SUCLG2: variants seen among roughly 807,000 people sequenced by gnomAD.
SUCLG2 encodes the protein succinate-CoA ligase GDP-forming subunit beta.
Under a neutral mutation model 47.9 loss-of-function variants are expected in SUCLG2, and 42 were observed. The ratio of observed to expected loss-of-function variants is 0.88; its 90% CI spans 0.69 to 1.14. The LOEUF (loss-of-function observed/expected upper bound fraction) is 1.14. SUCLG2 is among the 50% of genes most tolerant of loss of function. The pLI, the probability that SUCLG2 is intolerant of heterozygous loss-of-function variation, is 0.00. For synonymous variants in SUCLG2, 195 were observed against 197.3 expected, an observed-to-expected ratio of 0.99 and a Z score of 0.10; for missense variants, 571 against 525.9, an observed-to-expected ratio of 1.09 and a Z score of -0.84.
chr3:67,558,190 T>C (rs967657167), intron 2 of SUCLG2, among the ~76,000 whole-genome samples: 3 of 152,162 alleles, frequency 2.0e-5, no homozygotes, highest in Admixed American at 2.0e-4. Context: ...TATATTAACT[T>C]AATAATAGAT....
intron 2 of SUCLG2, among the ~76,000 whole-genome samples, chr3:67,576,140 G>C (rs1447191276): frequency 1.3e-5 from 2 of 152,202 alleles, no homozygotes; most frequent in African/African-American, 4.8e-5. Context: ...CTGTGGACAT[G>C]ACTATTGCCA....
rs186865791 is a variant in SUCLG2, at chr3:67,644,537, A to G, written c.84+9966T>C. ...ACAGAGTTTTAGTAGGGGAGGATGA[A>G]TAAGTTCAGGAAATGGATGATGGTG... On this transcript the variant is annotated intron_variant, in intron 1 of 10. Coordinates refer to ENST00000307227, the MANE Select transcript of SUCLG2 (RefSeq NM_003848.4). Among the ~76,000 whole-genome samples, 73 of 152,186 alleles carry G rather than the reference A, an allele frequency of 4.8e-4. 1 individual carries two copies. Among genetic ancestry groups the G allele is most frequent in the Middle Eastern group, 6.8e-3 (2 of 294 alleles).
chr3:67,442,938 C>A (rs1348260060), intron 9 of SUCLG2, among the ~76,000 whole-genome samples: 1 of 152,122 alleles, frequency 6.6e-6, no homozygotes, highest in Non-Finnish European at 1.5e-5. Context: ...ACAATCAGCT[C>A]TCCCTATCCA....
chr3:67,420,183 A>T (rs902612855), intron 9 of SUCLG2, among the ~76,000 whole-genome samples: 1 of 152,202 alleles, frequency 6.6e-6, no homozygotes, highest in Non-Finnish European at 1.5e-5. Context: ...AATGAAATTG[A>T]ATTGAGTCTG....
Position 67,586,359 on chromosome 3 carries a change from T to C in SUCLG2, c.226+23096A>G, listed in dbSNP as rs555074291. On this transcript the variant is annotated intron_variant, in intron 2 of 10. Transcript: ENST00000307227. ...TTCTCAGTAAGCTCCTGGAACAACC[T>C]AGACTGCATGGGACAAAATTTTCTT... Among the ~76,000 whole-genome samples, 38 of 152,362 alleles carry C rather than the reference T, an allele frequency of 2.5e-4. No individual in the cohort carries two copies. In the East Asian group the frequency reaches 6.4e-3, roughly 26 times the overall value.
intron 4 of SUCLG2, among the ~76,000 whole-genome samples, chr3:67,520,909 C>G (rs1237379146): frequency 6.6e-6 from 1 of 152,136 alleles, no homozygotes; most frequent in East Asian, 1.9e-4. Flanking sequence ...TGTCCTTCCT[C>G]AAGAAACTGT....
At chr3:67,564,503 G>A (rs994439206) in intron 2 of SUCLG2, among the ~76,000 whole-genome samples, 1 of 152,162 alleles carries the variant, frequency 6.6e-6, no homozygotes, top group Non-Finnish European at 1.5e-5. Flanking sequence ...CACCAAAATG[G>A]ACATGAGTTA....
chr3:67,554,309 T>G (rs1173832157), intron 2 of SUCLG2, among the ~76,000 whole-genome samples: 3 of 152,236 alleles, frequency 2.0e-5, no homozygotes, highest in Admixed American at 6.5e-5. Context: ...CTTAACCATG[T>G]GAATGTTGTT....
intron 9 of SUCLG2, among the ~76,000 whole-genome samples, chr3:67,429,925 T>C (rs896034651): frequency 2.0e-5 from 3 of 152,122 alleles, no homozygotes; most frequent in Non-Finnish European, 2.9e-5. Context: ...ATGCACCCAA[T>C]ACAGGAGCAC....
intron 9 of SUCLG2, among the ~76,000 whole-genome samples, chr3:67,429,806 T>C (rs111755088): frequency 3.3e-5 from 5 of 152,258 alleles, no homozygotes; most frequent in African/African-American, 9.6e-5. Flanking sequence ...AATCCTAGTT[T>C]CTGATAAAAC....
At chr3:67,409,001 G>A in intron 9 of SUCLG2, 2 of 1,535,350 alleles carry the variant, frequency 1.3e-6, no homozygotes, top group Non-Finnish European at 1.7e-6. Flanking sequence ...CTGTATTCTG[G>A]TGCCCAAGTA....
chr3:67,564,200 G>C (rs1478450169), intron 2 of SUCLG2, among the ~76,000 whole-genome samples: 2 of 152,268 alleles, frequency 1.3e-5, no homozygotes, highest in Middle Eastern at 3.4e-3. Flanking sequence ...GCCAGCACAG[G>C]AAGTAATAGT....
intron 10 of SUCLG2, among the ~76,000 whole-genome samples, chr3:67,369,309 G>A (rs778292564): frequency 1.3e-5 from 2 of 152,136 alleles, no homozygotes; most frequent in East Asian, 3.9e-4. Flanking sequence ...TATGGGTGGT[G>A]CCTTCGTTTT....
At chr3:67,629,419 T>C (rs942520569) in intron 1 of SUCLG2, among the ~76,000 whole-genome samples, 3 of 152,150 alleles carry the variant, frequency 2.0e-5, no homozygotes, top group Non-Finnish European at 4.4e-5. Flanking sequence ...CTCTAGAGAA[T>C]ATTTATGATT....
intron 10 of SUCLG2, among the ~76,000 whole-genome samples, chr3:67,379,424 T>C (rs11706477): frequency 0.083 from 12,575 of 152,280 alleles, 658 homozygotes; most frequent in Middle Eastern, 0.14. Flanking sequence ...TAGTTTTTTA[T>C]CACGGTTCCC....
Position 67,612,526 on chromosome 3 carries a change from C to T in SUCLG2, c.85-2930G>A, listed in dbSNP as rs961877552. ...TGAATAATAATAACAATAATAGTTC[C>T]ATCTACTATTAATTGAGCACTTATG... On this transcript the variant is annotated intron_variant, in intron 1 of 10. Transcript: ENST00000307227. Among the ~76,000 whole-genome samples, 32 of 152,186 alleles carry T rather than the reference C, an allele frequency of 2.1e-4. 1 individual carries two copies. Among genetic ancestry groups the T allele is most frequent in the South Asian group, 1.7e-3 (8 of 4,820 alleles).
chr3:67,620,132 C>G (rs1201742409), intron 1 of SUCLG2, among the ~76,000 whole-genome samples: 1 of 152,194 alleles, frequency 6.6e-6, no homozygotes, highest in African/African-American at 2.4e-5. Flanking sequence ...AATGTGGTCA[C>G]TGTGTTTGAC....
At chr3:67,585,820 C>T (rs540276165) in intron 2 of SUCLG2, among the ~76,000 whole-genome samples, 48 of 151,898 alleles carry the variant, frequency 3.2e-4, no homozygotes, top group Non-Finnish European at 6.0e-4. Context: ...AAAAATTAGC[C>T]GGGCATCCAT....
At chr3:67,495,701 A>G (rs1705317070) in intron 9 of SUCLG2, 97 bp downstream of exon 9, 4 of 1,448,540 alleles carry the variant, frequency 2.8e-6, no homozygotes, top group Non-Finnish European at 3.8e-6. Flanking sequence ...CAGAGTACAC[A>G]TATTGACTTA....
Sources: allele counts gnomAD v4.1 joint callset (sites outside exome capture counted in the v4.1 genomes callset), GRCh38; gene constraint gnomAD v4.1.1; transcripts MANE v1.5; gene names NCBI Gene and HGNC (gene_info 2026-07-23, HGNC 2026-07-21).